Variants in RALGAPB observed in about 807,000 individuals in gnomAD.
The protein encoded by RALGAPB is Ral GTPase activating protein non-catalytic subunit beta.
Under a neutral mutation model 161.1 loss-of-function variants are expected in RALGAPB, and 25 were observed. That is an observed-to-expected ratio of 0.16 (90% CI 0.11 to 0.22). The LOEUF (loss-of-function observed/expected upper bound fraction) is 0.22, where lower values mean the gene tolerates loss of function less well. Ranked by LOEUF, RALGAPB falls within the 10% of genes least tolerant of loss-of-function variation. RALGAPB has a pLI of 1.00. For synonymous variants in RALGAPB, 629 were observed against 626.1 expected, an observed-to-expected ratio of 1.00 and a Z score of -0.07; for missense variants, 1,391 against 1,815.2, an observed-to-expected ratio of 0.77 and a Z score of 4.25.
rs75263647 is a variant in RALGAPB, at chr20:38,537,175, A to G, written c.2379+1968A>G. The stretch of plus-strand genomic sequence containing the variant: ...TGGACAAATTGATCGGTGGAAGAAA[A>G]TAGTATATCCATACTTAAGTGGTCA... On this transcript the variant is annotated intron_variant, in intron 16 of 29. Coordinates refer to ENST00000262879, the MANE Select transcript of RALGAPB (RefSeq NM_020336.4). Among the ~76,000 whole-genome samples, 1,088 of 152,326 alleles carry G rather than the reference A, an allele frequency of 7.1e-3. 18 individuals are homozygous for G. The highest frequency in any genetic ancestry group is 0.024 in the African/African-American group (986 of 41,578).
intron 2 of RALGAPB, among the ~76,000 whole-genome samples, chr20:38,491,333 CTT>C (rs34536415): frequency 6.8e-6 from 1 of 147,708 alleles, no homozygotes. Flanking sequence ...CACTGTTTTT[CTT>C]TTTTTTTTTC....
chr20:38,539,800 G>A lies in RALGAPB; in HGVS notation c.2404G>A (p.Asp802Asn). 6.2e-7 allele frequency: 1 copy of A among 1,613,810 alleles called. No homozygotes were observed. The highest frequency in any genetic ancestry group is 1.1e-5 in the South Asian group (1 of 90,994). Residue 802 changes from aspartate (D) to asparagine (N), a missense_variant, in exon 17 of 30, where the codon GAC becomes AAC. Physicochemically the swap from Asp to Asn is conservative, Grantham distance 23. This residue lies in a region of RALGAPB where 946 missense variants were observed against 1,257.2 expected (regional missense o/e 0.75). Transcript: ENST00000262879. ...GGTAAAAGTGATGGTTGACTCAGGA[G>A]ACCGGAAGCGAGCCATCAGTTCTGT... The part of the protein sequence containing the change: ...AKVKVMVDSG[D>N]RKRAISSVCT...
intron 5 of RALGAPB, among the ~76,000 whole-genome samples, chr20:38,501,311 A>G (rs932741461): frequency 1.3e-5 from 2 of 152,174 alleles, no homozygotes; most frequent in Non-Finnish European, 2.9e-5. Context: ...TATACTAAGA[A>G]TGATGTTAAA....
chr20:38,542,843 A>G (rs6100137), intron 18 of RALGAPB, among the ~76,000 whole-genome samples: 12,370 of 152,094 alleles, frequency 0.081, 1,736 homozygotes, highest in African/African-American at 0.28. Flanking sequence ...CCATCCTGGC[A>G]ACAGAGTGAG....
chr20:38,497,314 C>A, intron 3 of RALGAPB, 39 bp from the exon 4 acceptor site: 1 of 1,594,994 alleles, frequency 6.3e-7, no homozygotes, highest in Non-Finnish European at 8.6e-7. Flanking sequence ...TGCTGTCTCT[C>A]CTCCAGGCTT....
Position 38,473,056 on chromosome 20 carries a change from G to T in RALGAPB, c.-44G>T. ...CGCCCGCCCCGGCGATGCGGGCCCC[G>T]CCCGTCGCCTCAGGTAACCGGGCAG... On this transcript the variant is annotated 5_prime_UTR_variant, in exon 1 of 30. Transcript: ENST00000262879. 1 of 375,622 alleles carries T rather than the reference G, an allele frequency of 2.7e-6. No individual in the cohort carries two copies. 23.3% of individuals were successfully genotyped at this position (375,622 alleles called of 1,614,324 possible). A position where few individuals can be genotyped will look rare whatever the true frequency, so the allele number is the denominator to read the frequency against.
At chr20:38,490,920 C>T (rs1053017107) in intron 2 of RALGAPB, among the ~76,000 whole-genome samples, 1 of 152,220 alleles carries the variant, frequency 6.6e-6, no homozygotes, top group Non-Finnish European at 1.5e-5. Context: ...GCTGGGATTA[C>T]GGTTGTGGGC....
chr20:38,522,378 T>C (rs2086315967), intron 10 of RALGAPB, among the ~76,000 whole-genome samples: 2 of 152,186 alleles, frequency 1.3e-5, no homozygotes, highest in Non-Finnish European at 1.5e-5. Context: ...TAGAATCCTC[T>C]TCTTCTGTAT....
chr20:38,540,110 G>T, intron 17 of RALGAPB, 152 bp downstream of exon 17: 1 of 645,278 alleles, frequency 1.5e-6, no homozygotes, highest in Non-Finnish European at 2.4e-6. Context: ...TGTCCTTTTG[G>T]GTACAACTTG....
At chr20:38,486,385 A>G (rs1156506218) in intron 1 of RALGAPB, among the ~76,000 whole-genome samples, 2 of 152,238 alleles carry the variant, frequency 1.3e-5, no homozygotes, top group Non-Finnish European at 2.9e-5. Flanking sequence ...ACTTAAAAAA[A>G]GTTTGTCAGA....
At chr20:38,553,789 A>AAAC in intron 21 of RALGAPB, 78 bp from the exon 22 acceptor site, 2 of 804,492 alleles carry the variant, frequency 2.5e-6, no homozygotes, top group South Asian at 1.9e-5. Flanking sequence ...AAAAAAAAAA[A>AAAC]AAAAAAAAAA....
chr20:38,507,921 G>A (rs2085812960), intron 5 of RALGAPB, among the ~76,000 whole-genome samples: 1 of 151,914 alleles, frequency 6.6e-6, no homozygotes, highest in Non-Finnish European at 1.5e-5. Context: ...TTATCTCTAG[G>A]TAGAGAATAA....
intron 9 of RALGAPB, among the ~76,000 whole-genome samples, chr20:38,519,626 TAA>T (rs1356304801): frequency 6.6e-6 from 1 of 152,150 alleles, no homozygotes; most frequent in Non-Finnish European, 1.5e-5. Flanking sequence ...CATCTTACTT[TAA>T]AATTTTTCCT....
intron 28 of RALGAPB, among the ~76,000 whole-genome samples, chr20:38,571,770 A>C (rs1284398420): frequency 6.6e-6 from 1 of 152,192 alleles, no homozygotes; most frequent in African/African-American, 2.4e-5. Flanking sequence ...TAATTTGTTG[A>C]GGAACCATAC....
chr20:38,546,618 C>A (rs2087173360), intron 19 of RALGAPB, 188 bp downstream of exon 19: 2 of 663,352 alleles, frequency 3.0e-6, no homozygotes, highest in Non-Finnish European at 2.5e-6. Context: ...TACATAGAGT[C>A]TTTTAAAGGC....
In RALGAPB at chr20:38,569,901, C is replaced by T. The variant is rs868601278; in HGVS notation, c.3968C>T (p.Ser1323Phe). The change falls in exon 27 of 30, where the codon TCC becomes TTC. Residue 1323 changes from serine (S) to phenylalanine (F), a missense_variant. By Grantham distance (155) the Ser-to-Phe change is radical. Transcript: ENST00000262879. Reference protein sequence around the residue: ...LNSSQRLSPSSRMRKLPQGRP... With the variant: ...LNSSQRLSPSFRMRKLPQGRP... ...TTCTTCATGTAGCTCAGTCCCAGTT[C>T]CAGAATGAGGAAGCTGCCTCAGGGT... 6.2e-7 allele frequency: 1 copy of T among 1,613,230 alleles called. No homozygotes were observed. The highest frequency in any genetic ancestry group is 8.5e-7 in the Non-Finnish European group (1 of 1,179,464).
At chr20:38,518,958 C>T (rs6070443) in intron 9 of RALGAPB, among the ~76,000 whole-genome samples, 1 of 152,292 alleles carries the variant, frequency 6.6e-6, no homozygotes, top group East Asian at 1.9e-4. Flanking sequence ...GAAATGAATT[C>T]TTAGCTGTTA....
At chr20:38,570,501 G>C (rs774558146) in intron 27 of RALGAPB, among the ~76,000 whole-genome samples, 1 of 152,102 alleles carries the variant, frequency 6.6e-6, no homozygotes, top group African/African-American at 2.4e-5. Context: ...AGAGTTTGTG[G>C]GAAAGTGTGA....
intron 15 of RALGAPB, among the ~76,000 whole-genome samples, chr20:38,533,156 A>T (rs2086706806): frequency 6.6e-6 from 1 of 152,124 alleles, no homozygotes. Flanking sequence ...ACCAAATAAG[A>T]TGTGGACTCT....
Sources: gnomAD v4.1 joint callset for allele counts (sites outside exome capture counted in the v4.1 genomes callset) on GRCh38, gnomAD v4.1.1 for gene constraint, gnomAD v4.1.1 regional missense constraint, MANE v1.5 for transcripts, NCBI Gene and HGNC (gene_info 2026-07-23, HGNC 2026-07-21) for gene names.